The following USP14 variants were observed in gnomAD, a reference collection of about 807,000 sequenced individuals.
USP14 encodes the protein ubiquitin carboxyl-terminal hydrolase 14.
A neutral mutation model predicts 76.5 loss-of-function variants in USP14; 38 were observed. That is an observed-to-expected ratio of 0.50 (90% CI 0.38 to 0.65). USP14 has a LOEUF of 0.65. Among genes scored for constraint, USP14 ranks in the 30% least tolerant of loss-of-function variants. USP14 has a pLI of 0.00. For missense variants in USP14, 467 were observed against 586.5 expected (o/e 0.80, Z 2.10); for synonymous variants, 192 against 191.7 (o/e 1.00, Z -0.01).
At chr18:198,012 A>G (rs558236755) in intron 8 of USP14, 35 bp from the exon 9 acceptor site, 11 of 1,544,960 alleles carry the variant, frequency 7.1e-6, no homozygotes, top group African/African-American at 4.2e-5. Flanking sequence ...ATTAATATTT[A>G]TATAAAGTTG....
intron 3 of USP14, among the ~76,000 whole-genome samples, chr18:169,360 C>CAA (rs11336218): frequency 9.1e-4 from 72 of 79,230 alleles, no homozygotes; most frequent in Non-Finnish European, 1.1e-3. Context: ...GACTCTACCT[C>CAA]AAAAAAAAAA....
At chr18:202,052 A>G (rs1206853074) in intron 10 of USP14, among the ~76,000 whole-genome samples, 1 of 152,254 alleles carries the variant, frequency 6.6e-6, no homozygotes, top group South Asian at 2.1e-4. Flanking sequence ...AAATTATACA[A>G]GTGTAACATG....
At chr18:172,682 A>T (rs1185410239) in intron 3 of USP14, among the ~76,000 whole-genome samples, 1 of 152,108 alleles carries the variant, frequency 6.6e-6, no homozygotes, top group East Asian at 1.9e-4. Context: ...CTGCAAGAAG[A>T]TCATTAACTG....
At chr18:172,587 G>T (rs1317238441) in intron 3 of USP14, among the ~76,000 whole-genome samples, 1 of 152,096 alleles carries the variant, frequency 6.6e-6, no homozygotes, top group African/African-American at 2.4e-5. Context: ...TTTCATTGTT[G>T]TCTCATTTTA....
rs958897552 is a variant in USP14 at position 214,261 on chromosome 18, T to A, written c.*2977T>A. 1.5e-5 allele frequency: 3 copies of A among 194,086 alleles called. No individual in the cohort carries two copies. The highest frequency in any genetic ancestry group is 3.2e-5 in the Non-Finnish European group (3 of 94,302). The allele number at this position is 194,086 out of a possible 1,614,324, so 12.0% of individuals were successfully genotyped here. On this transcript the variant is annotated 3_prime_UTR_variant, in exon 16 of 16. Transcript: ENST00000261601. The stretch of plus-strand genomic sequence containing the variant: ...AGCAGTCATATGGTTTCAGAAAGTG[T>A]TATTCTGGGATTTCAGGATAAATTT...
Position 212,314 on chromosome 18 carries a change from C to T in USP14, c.*1030C>T, listed in dbSNP as rs893807487. ...TGTGTTTGTATTTCCTTTCTTAATT[C>T]CCCAAATCTTGGCTGGGCACGGTGG... On this transcript the variant is annotated 3_prime_UTR_variant, in exon 16 of 16. Transcript: ENST00000261601. The T allele has an allele frequency of 2.0e-5, 3 of 152,220 alleles. No individual in the cohort carries two copies. Among genetic ancestry groups the T allele is most frequent in the Non-Finnish European group, 4.4e-5 (3 of 68,094 alleles). The allele number at this position is 152,220 out of a possible 1,614,324, so 9.4% of individuals were successfully genotyped here. A position where few individuals can be genotyped will look rare whatever the true frequency, so the allele number is the denominator to read the frequency against.
intron 5 of USP14, among the ~76,000 whole-genome samples, chr18:183,367 G>T (rs964949818): frequency 6.6e-6 from 1 of 151,264 alleles, no homozygotes; most frequent in Non-Finnish European, 1.5e-5. Flanking sequence ...TGAGACTGTG[G>T]GTTTTATTTA....
At chr18:159,439 C>G (rs538234297) in intron 1 of USP14, among the ~76,000 whole-genome samples, 1 of 152,270 alleles carries the variant, frequency 6.6e-6, no homozygotes, top group African/African-American at 2.4e-5. Context: ...ATCACTTTTA[C>G]TTAGGGAATG....
intron 13 of USP14, among the ~76,000 whole-genome samples, chr18:206,555 T>C (rs928596275): frequency 2.0e-5 from 3 of 152,210 alleles, no homozygotes; most frequent in East Asian, 3.9e-4. Context: ...TTTTATGAAA[T>C]CCAGTCTATT....
intron 1 of USP14, chr18:158,962 C>T: frequency 2.2e-6 from 1 of 448,718 alleles, no homozygotes; most frequent in Non-Finnish European, 3.6e-6. Context: ...GGAAGCCTCT[C>T]AAAGTCGTGA....
At chr18:179,361 A>G (rs184254563) in intron 4 of USP14, among the ~76,000 whole-genome samples, 6 of 152,282 alleles carry the variant, frequency 3.9e-5, no homozygotes, top group African/African-American at 9.6e-5. Context: ...AGATAGTACT[A>G]TATAAGTATT....
At chr18:207,475 T>C (rs1910560432) in intron 13 of USP14, among the ~76,000 whole-genome samples, 1 of 144,528 alleles carries the variant, frequency 6.9e-6, no homozygotes, top group African/African-American at 2.5e-5. Flanking sequence ...GTCCAGAAGT[T>C]GGAGACCAGC....
chr18:210,259 A>G, intron 14 of USP14, 127 bp from the exon 15 acceptor site: 1 of 742,872 alleles, frequency 1.3e-6, no homozygotes, highest in Non-Finnish European at 2.2e-6. Flanking sequence ...ATGATTGGAC[A>G]GTAGTATCTT....
Position 196,747 on chromosome 18 carries a change from C to G in USP14, c.574C>G (p.Gln192Glu), listed in dbSNP as rs1910248614. 6.2e-7 allele frequency: 1 copy of G among 1,613,988 alleles called. No individual in the cohort carries two copies. The highest frequency in any genetic ancestry group is 8.5e-7 in the Non-Finnish European group (1 of 1,179,970). Residue 192 changes from glutamine to glutamate, a missense_variant, in exon 7 of 16, where the codon CAA (glutamine) becomes GAA (glutamate). Transcript: ENST00000261601. ...CCCACAGTTTGCCGAGAAAGGTGAA[C>G]AAGGACAGTATCTTCAACAGGTAAT... ...AFPQFAEKGE[Q>E]GQYLQQDANE...
At chr18:181,993 T>A (rs1204968445) in intron 5 of USP14, among the ~76,000 whole-genome samples, 2 of 152,234 alleles carry the variant, frequency 1.3e-5, no homozygotes, top group Admixed American at 1.3e-4. Context: ...CCCACTGAAT[T>A]GTCTTAGCAC....
chr18:173,178 G>A (rs979277166), intron 3 of USP14, among the ~76,000 whole-genome samples: 4 of 147,454 alleles, frequency 2.7e-5, no homozygotes, highest in African/African-American at 5.0e-5. Context: ...GCACGATCTC[G>A]GCTCACTGCA....
intron 5 of USP14, among the ~76,000 whole-genome samples, chr18:191,202 C>T (rs563885050): frequency 6.6e-6 from 1 of 152,054 alleles, no homozygotes; most frequent in Non-Finnish European, 1.5e-5. Flanking sequence ...TAATGATTTT[C>T]AGGTTTTTAA....
chr18:198,114 G>C lies in USP14; in HGVS notation c.743G>C (p.Gly248Ala). The C allele has an allele frequency of 6.2e-7, 1 of 1,608,816 alleles. No individual in the cohort carries two copies. Among genetic ancestry groups the C allele is most frequent in the East Asian group, 2.2e-5 (1 of 44,846 alleles). ...KKKSLIDQFF[G>A]VEFETTMKCT... The stretch of plus-strand genomic sequence containing the variant: ...AAAAGTTTAATCGATCAGTTCTTCG[G>C]TGTTGAGTTTGAAACTACGTATCCT... Residue 248 changes from glycine to alanine, a missense_variant, in exon 9 of 16, where the codon GGT becomes GCT. By Grantham distance (60) the Gly-to-Ala change is moderately conservative. Transcript: ENST00000261601.
chr18:191,759 T>C (rs1910094814), intron 5 of USP14, among the ~76,000 whole-genome samples: 1 of 152,232 alleles, frequency 6.6e-6, no homozygotes, highest in African/African-American at 2.4e-5. Context: ...TTCTGATTGC[T>C]CCACAATCTT....
Sources: allele counts gnomAD v4.1 joint callset (sites outside exome capture counted in the v4.1 genomes callset), GRCh38; gene constraint gnomAD v4.1.1; transcripts MANE v1.5; gene names NCBI Gene and HGNC (gene_info 2026-07-23, HGNC 2026-07-21).